Variants in SRD5A1 observed in about 807,000 individuals in gnomAD.
SRD5A1 encodes 3-oxo-5-alpha-steroid 4-dehydrogenase 1.
A neutral mutation model predicts 28.2 loss-of-function variants in SRD5A1; 22 were observed. The ratio of observed to expected loss-of-function variants is 0.78; its 90% CI spans 0.56 to 1.12. The LOEUF is 1.12. Among genes scored for constraint, SRD5A1 ranks in the 50% most tolerant of loss-of-function variants. The probability of loss-of-function intolerance (pLI) is 0.00; values close to 1 mark genes in which losing one functional copy is unlikely to be tolerated. For missense variants in SRD5A1, 300 were observed against 346.7 expected, an observed-to-expected ratio of 0.87 and a Z score of 1.07; for synonymous variants, 151 against 135.0, an observed-to-expected ratio of 1.12 and a Z score of -0.82.
chr5:6,652,358 A>G (rs1387729982), intron 2 of SRD5A1, among the ~76,000 whole-genome samples: 2 of 152,182 alleles, frequency 1.3e-5, no homozygotes, highest in East Asian at 3.9e-4. Context: ...GGTTCCTTCC[A>G]TGACATGAGG....
rs73033314 is a variant in SRD5A1, at chr5:6,641,197, C to T, written c.293+7328C>T. 7.1e-3 allele frequency among the ~76,000 whole-genome samples: 1,080 copies of T among 152,256 alleles called. 12 individuals carry two copies. The highest frequency in any genetic ancestry group is 0.025 in the African/African-American group (1,032 of 41,562). ...GACCCTGTCATTTATGCCTGGGGTC[C>T]GCTGCACTCTCTCAAGTGCTGTCGT... is the stretch of plus-strand genomic sequence containing the variant. On this transcript the variant is annotated intron_variant, in intron 1 of 4. Transcript: ENST00000274192.
At chr5:6,665,424 A>C (rs929358624) in intron 4 of SRD5A1, among the ~76,000 whole-genome samples, 1 of 152,258 alleles carries the variant, frequency 6.6e-6, no homozygotes, top group African/African-American at 2.4e-5. Context: ...AAGTAAGGGC[A>C]GGAGTATGAT....
chr5:6,655,832 T>C (rs889983802), intron 2 of SRD5A1, among the ~76,000 whole-genome samples: 1 of 152,202 alleles, frequency 6.6e-6, no homozygotes, highest in South Asian at 2.1e-4. Flanking sequence ...AAGATGTAGA[T>C]TGTGATGAAC....
intron 1 of SRD5A1, among the ~76,000 whole-genome samples, chr5:6,648,987 G>T (rs1212685724): frequency 6.6e-6 from 1 of 152,072 alleles, no homozygotes; most frequent in South Asian, 2.1e-4. Context: ...CCCCTCTGCT[G>T]CAGGTCTGCC....
chr5:6,646,474 G>A (rs1370769166), intron 1 of SRD5A1, among the ~76,000 whole-genome samples: 2 of 152,150 alleles, frequency 1.3e-5, no homozygotes, highest in African/African-American at 2.4e-5. Flanking sequence ...TGTATTCAGG[G>A]ATTCGACTTC....
At chr5:6,647,193 C>T (rs1401769642) in intron 1 of SRD5A1, among the ~76,000 whole-genome samples, 1 of 152,072 alleles carries the variant, frequency 6.6e-6, no homozygotes, top group African/African-American at 2.4e-5. Context: ...GTTTTACTTC[C>T]AACCATGTGG....
intron 4 of SRD5A1, among the ~76,000 whole-genome samples, chr5:6,663,375 G>A (rs897522746): frequency 1.3e-5 from 2 of 152,230 alleles, no homozygotes; most frequent in Non-Finnish European, 2.9e-5. Context: ...AGCGACACTG[G>A]CAGAACTCAT....
At chr5:6,660,678 T>A (rs1387105824) in intron 3 of SRD5A1, among the ~76,000 whole-genome samples, 2 of 152,256 alleles carry the variant, frequency 1.3e-5, no homozygotes, top group African/African-American at 2.4e-5. Context: ...TATTGGGCAT[T>A]AAGTTTGATA....
intron 4 of SRD5A1, among the ~76,000 whole-genome samples, chr5:6,664,721 T>C (rs1009025832): frequency 2.6e-5 from 4 of 152,240 alleles, no homozygotes; most frequent in Non-Finnish European, 4.4e-5. Flanking sequence ...GTCTAATACT[T>C]GAAGAAGTGA....
rs950862130 is a variant in SRD5A1, at chr5:6,671,980, G to A, written c.*3712G>A. On this transcript the variant is annotated 3_prime_UTR_variant, in exon 5 of 5. Coordinates refer to ENST00000274192, the MANE Select transcript of SRD5A1 (RefSeq NM_001047.4). ...ACTTACAGATACGTTTTTGAGATAT[G>A]AACGTTTGTTATTTCCTGGTGCTTA... is the stretch of plus-strand genomic sequence containing the variant. The A allele has an allele frequency of 6.6e-6, 1 of 152,196 alleles. No homozygotes were observed. Among genetic ancestry groups the A allele is most frequent in the Admixed American group, 6.5e-5 (1 of 15,284 alleles). 9.4% of individuals were successfully genotyped at this position (152,196 alleles called of 1,614,324 possible). A position where few individuals can be genotyped will look rare whatever the true frequency, so the allele number is the denominator to read the frequency against.
intron 1 of SRD5A1, among the ~76,000 whole-genome samples, chr5:6,647,555 G>C (rs569065200): frequency 1.1e-3 from 169 of 152,108 alleles, no homozygotes; most frequent in Non-Finnish European, 1.3e-3. Flanking sequence ...TGACCTTTTT[G>C]GTTTAAAATC....
In SRD5A1 at chr5:6,651,956, C is replaced by A. The variant is rs1400461019; in HGVS notation, c.408C>A (p.Ser136Arg). ...CNGYLQSRYL[S>R]HCAVYADDWV... ...GCTATTTGCAAAGCAGATACTTGAG[C>A]CATTGTGCAGTGTATGCTGATGACT... Residue 136 changes from serine (S) to arginine (R), a missense_variant, in exon 2 of 5, where the codon AGC (serine) becomes AGA (arginine). Ser to Arg is a moderately radical substitution (Grantham distance 110). Coordinates refer to ENST00000274192, the MANE Select transcript of SRD5A1 (RefSeq NM_001047.4). 1.2e-6 allele frequency: 2 copies of A among 1,613,998 alleles called. No individual in the cohort carries two copies. The highest frequency in any genetic ancestry group is 2.2e-5 in the East Asian group (1 of 44,896).
chr5:6,662,355 G>A (rs1395053102), intron 3 of SRD5A1, among the ~76,000 whole-genome samples: 1 of 152,238 alleles, frequency 6.6e-6, no homozygotes, highest in Non-Finnish European at 1.5e-5. Context: ...ATGTGGGGAG[G>A]GTGTCTGTCC....
chr5:6,650,679 A>G (rs940226489), intron 1 of SRD5A1, among the ~76,000 whole-genome samples: 1 of 150,714 alleles, frequency 6.6e-6, no homozygotes, highest in Non-Finnish European at 1.5e-5. Context: ...TTTAGGGTAC[A>G]TGTGCACATT....
chr5:6,649,443 T>C (rs886392432), intron 1 of SRD5A1, among the ~76,000 whole-genome samples: 5 of 152,240 alleles, frequency 3.3e-5, no homozygotes, highest in Admixed American at 2.0e-4. Context: ...TCAGCAGTGG[T>C]GGATGCCCCT....
chr5:6,653,110 T>C (rs1052616108), intron 2 of SRD5A1, among the ~76,000 whole-genome samples: 3 of 152,206 alleles, frequency 2.0e-5, no homozygotes, highest in African/African-American at 7.2e-5. Flanking sequence ...TGTGTATTAA[T>C]TTATAATCAT....
intron 1 of SRD5A1, among the ~76,000 whole-genome samples, chr5:6,635,216 A>G (rs1738144741): frequency 6.6e-6 from 1 of 152,162 alleles, no homozygotes; most frequent in Admixed American, 6.5e-5. Flanking sequence ...CTGTGTCCTC[A>G]GTGTGCTTTG....
intron 3 of SRD5A1, among the ~76,000 whole-genome samples, chr5:6,661,836 T>TC (rs1442992803): frequency 6.6e-6 from 1 of 151,786 alleles, no homozygotes; most frequent in East Asian, 1.9e-4. Flanking sequence ...CCCAGCCTAA[T>TC]TTTTTTTTAA....
chr5:6,656,715 A>G (rs1003142842), intron 3 of SRD5A1, among the ~76,000 whole-genome samples: 5 of 152,096 alleles, frequency 3.3e-5, no homozygotes, highest in Non-Finnish European at 1.5e-5. Flanking sequence ...AGTATGAAAA[A>G]TCTCAAGCCA....
Sources: gnomAD v4.1 joint callset for allele counts (sites outside exome capture counted in the v4.1 genomes callset) on GRCh38, gnomAD v4.1.1 for gene constraint, MANE v1.5 for transcripts, NCBI Gene and HGNC (gene_info 2026-07-23, HGNC 2026-07-21) for gene names.